IARS2: variants seen among roughly 807,000 people sequenced by gnomAD.
IARS2 encodes isoleucyl-tRNA synthetase 2, mitochondrial.
Under a neutral mutation model 126.3 loss-of-function variants are expected in IARS2, and 56 were observed. That is an observed-to-expected ratio of 0.44 (90% CI 0.36 to 0.55). IARS2 has a LOEUF of 0.55. Among genes scored for constraint, IARS2 ranks in the 20% least tolerant of loss-of-function variants. The pLI is 0.00. For missense variants in IARS2, 1,127 were observed against 1,245.9 expected, an observed-to-expected ratio of 0.90 and a Z score of 1.44; for synonymous variants, 407 against 441.1, an observed-to-expected ratio of 0.92 and a Z score of 0.97.
At chr1:220,112,442 T>A (rs1202845846) in intron 11 of IARS2, among the ~76,000 whole-genome samples, 1 of 152,100 alleles carries the variant, frequency 6.6e-6, no homozygotes, top group East Asian at 1.9e-4. Context: ...CCCGACCACC[T>A]ACTTTTTACC....
At chr1:220,147,413 A>G in intron 22 of IARS2, 80 bp from the exon 23 acceptor site, 1 of 1,361,626 alleles carries the variant, frequency 7.3e-7, no homozygotes, top group Non-Finnish European at 1.0e-6. Context: ...ACTGAAAAAG[A>G]AGCCTCTGCT....
chr1:220,094,569 G>A (rs1353101184), intron 1 of IARS2, 86 bp downstream of exon 1: 6 of 1,160,744 alleles, frequency 5.2e-6, no homozygotes, highest in Non-Finnish European at 7.1e-6. Context: ...ACACCTCTAG[G>A]CTCCACGCCG....
Position 220,137,978 on chromosome 1 carries a change from A to G in IARS2, c.2110A>G (p.Asn704Asp), listed in dbSNP as rs1208492955. The G allele has an allele frequency of 6.2e-7, 1 of 1,614,156 alleles. No homozygotes were observed. Among genetic ancestry groups the G allele is most frequent in the Admixed American group, 1.7e-5 (1 of 60,022 alleles). The change falls in exon 17 of 23, where the codon AAT (asparagine) becomes GAT (aspartate). Residue 704 changes from asparagine to aspartate, a missense_variant. Asn to Asp is a conservative substitution (Grantham distance 23). Coordinates refer to ENST00000366922, the MANE Select transcript of IARS2 (RefSeq NM_018060.4). ...DVLRWWVADSNVFTEVAIGPS... is the reference protein window; with the variant it reads ...DVLRWWVADSDVFTEVAIGPS... Reference sequence around the variant, plus strand: ...CCTTCGCTGGTGGGTAGCTGATTCCAATGTCTTCACCGAAGTTGCAATTGG... The same window carrying G: ...CCTTCGCTGGTGGGTAGCTGATTCCGATGTCTTCACCGAAGTTGCAATTGG...
At chr1:220,126,716 G>A (rs1657162780) in intron 13 of IARS2, 34 bp from the exon 14 acceptor site, 11 of 1,482,302 alleles carry the variant, frequency 7.4e-6, no homozygotes, top group Non-Finnish European at 1.0e-5. Flanking sequence ...TGTGATCTTT[G>A]TGTACCTGAC....
At chr1:220,114,588 T>C in intron 12 of IARS2, 114 bp downstream of exon 12, 1 of 739,304 alleles carries the variant, frequency 1.4e-6, no homozygotes, top group Non-Finnish European at 2.2e-6. Context: ...TAAAATATGC[T>C]AAAATAGTCT....
chr1:220,147,489 A>G lies in IARS2; in HGVS notation c.2897-4A>G. On this transcript the variant is annotated splice_region_variant and splice_polypyrimidine_tract_variant and intron_variant, in intron 22 of 22. Coordinates refer to ENST00000366922, the MANE Select transcript of IARS2 (RefSeq NM_018060.4). ...AGAAATACTCTTCATGTATTTTTTTATAGGTGGTGATATTCGTGAAGAGTC... is the reference window on the plus strand; with the variant it reads ...AGAAATACTCTTCATGTATTTTTTTGTAGGTGGTGATATTCGTGAAGAGTC... 4 of 1,613,694 alleles carry G rather than the reference A, an allele frequency of 2.5e-6. No homozygotes were observed. Among genetic ancestry groups the G allele is most frequent in the Non-Finnish European group, 1.7e-6 (2 of 1,179,716 alleles).
In IARS2 at chr1:220,142,824, C is replaced by T. The variant is rs1571865383; in HGVS notation, c.2561-120C>T. On this transcript the variant is annotated intron_variant, in intron 20 of 22. Transcript: ENST00000366922. ...TTAGGATGGATCCATAATATTTCATCACTTGATTACCATAAATAACAATTC... is the reference window on the plus strand; with the variant it reads ...TTAGGATGGATCCATAATATTTCATTACTTGATTACCATAAATAACAATTC... 5 of 566,124 alleles carry T rather than the reference C, an allele frequency of 8.8e-6. No homozygotes were observed. In the East Asian group the frequency reaches 1.5e-4, roughly 17 times the overall value. The allele number at this position is 566,124 out of a possible 1,614,324, so 35.1% of individuals were successfully genotyped here. A position where few individuals can be genotyped will look rare whatever the true frequency, so the allele number is the denominator to read the frequency against.
intron 1 of IARS2, among the ~76,000 whole-genome samples, chr1:220,094,966 C>G (rs534053953): frequency 1.3e-5 from 2 of 150,690 alleles, no homozygotes; most frequent in Admixed American, 6.6e-5. Flanking sequence ...CCCCACCCCC[C>G]CGTCCTTAAA....
At chr1:220,119,564 T>C (rs1656995851) in intron 12 of IARS2, among the ~76,000 whole-genome samples, 1 of 152,096 alleles carries the variant, frequency 6.6e-6, no homozygotes, top group Non-Finnish European at 1.5e-5. Flanking sequence ...TAAAAATTTT[T>C]TTAGGAAACA....
At chr1:220,145,054 G>A (rs1657559633) in intron 21 of IARS2, among the ~76,000 whole-genome samples, 1 of 149,360 alleles carries the variant, frequency 6.7e-6, no homozygotes, top group African/African-American at 2.5e-5. Context: ...TGTTGAGATA[G>A]TATTTTAGCC....
rs1656675673 is a variant in IARS2, at chr1:220,106,153, CTT to C, written c.1236+96_1236+97del. 3.7e-6 allele frequency: 4 copies of C among 1,075,958 alleles called. No homozygotes were observed. The Admixed American group carries it at 9.9e-5, about 27-fold the overall frequency. 66.7% of individuals were successfully genotyped at this position (1,075,958 alleles called of 1,614,324 possible). A position where few individuals can be genotyped will look rare whatever the true frequency, so the allele number is the denominator to read the frequency against. The stretch of plus-strand genomic sequence containing the variant: ...CATCTTCATTTTTTAAAAATGATGA[CTT>C]TTGTCATCATAATTGTGAAATGCTC... On this transcript the variant is annotated intron_variant, in intron 9 of 22. Coordinates refer to ENST00000366922, the MANE Select transcript of IARS2 (RefSeq NM_018060.4).
Position 220,094,393 on chromosome 1 carries a change from A to T in IARS2, c.177A>T (p.Arg59Ser). The part of the protein sequence containing the change: ...SNHQPNSNSG[R>S]YRDTVLLPQT... ...ACCAGCCGAACTCGAATAGTGGCAG[A>T]TACCGGGACACGGTGCTGCTGCCGC... Residue 59 changes from arginine (R) to serine (S), a missense_variant, in exon 1 of 23, where the codon AGA becomes AGT. Physicochemically the swap from Arg to Ser is moderately radical, Grantham distance 110. Coordinates refer to ENST00000366922, the MANE Select transcript of IARS2 (RefSeq NM_018060.4). The T allele has an allele frequency of 1.2e-6, 2 of 1,612,522 alleles. No homozygotes were observed. The highest frequency in any genetic ancestry group is 1.7e-6 in the Non-Finnish European group (2 of 1,179,642).
At chr1:220,127,809 T>C (rs527690099) in intron 14 of IARS2, among the ~76,000 whole-genome samples, 1 of 152,362 alleles carries the variant, frequency 6.6e-6, no homozygotes, top group African/African-American at 2.4e-5. Context: ...ATGTTTACTC[T>C]CTATTACAAG....
chr1:220,129,436 A>G (rs1657216947), intron 14 of IARS2, among the ~76,000 whole-genome samples: 2 of 152,148 alleles, frequency 1.3e-5, no homozygotes, highest in Non-Finnish European at 2.9e-5. Context: ...ACCCTACTGT[A>G]TTAAACACTA....
rs376310850 is a variant in IARS2 at position 220,139,024 on chromosome 1, G to A, written c.2192G>A (p.Arg731His). 41 of 1,612,800 alleles carry A rather than the reference G, an allele frequency of 2.5e-5. No homozygotes were observed. The Middle Eastern group carries it at 4.9e-4, about 19-fold the overall frequency. Residue 731 changes from arginine to histidine, a missense_variant, in exon 18 of 23, where the codon CGC (arginine) becomes CAC (histidine). By Grantham distance (29) the Arg-to-His change is conservative (BLOSUM62 0). Coordinates refer to ENST00000366922, the MANE Select transcript of IARS2 (RefSeq NM_018060.4). ...DDISKLRNTL[R>H]FLLGNVADFN... ...TATGAATAGCTTAGGAATACACTTC[G>A]CTTTCTTTTGGGAAATGTGGCTGAT...
At chr1:220,145,798 C>A in intron 22 of IARS2, 145 bp downstream of exon 22, 1 of 697,612 alleles carries the variant, frequency 1.4e-6, no homozygotes, top group Non-Finnish European at 2.2e-6. Flanking sequence ...AAAACAATTG[C>A]CAAGTTTCTA....
chr1:220,120,377 C>G (rs753865896), intron 12 of IARS2, among the ~76,000 whole-genome samples: 1 of 147,782 alleles, frequency 6.8e-6, no homozygotes, highest in Admixed American at 6.7e-5. Context: ...CCACCGCGCC[C>G]GGCCTTTTTT....
chr1:220,110,950 T>C lies in IARS2; in HGVS notation c.1479+13T>C, dbSNP rs1192699112. ...GACTGCAGCCAAGGTATAAAAAGCA[T>C]CCTGTTTTAACAGGTCGGGCATATC... On this transcript the variant is annotated intron_variant, in intron 11 of 22. Transcript: ENST00000366922. 1 of 1,611,176 alleles carries C rather than the reference T, an allele frequency of 6.2e-7. No homozygotes were observed. Among genetic ancestry groups the C allele is most frequent in the South Asian group, 1.1e-5 (1 of 90,296 alleles).
chr1:220,102,582 T>A lies in IARS2; in HGVS notation c.837T>A (p.Ser279=). The change falls in exon 6 of 23, where the codon TCT becomes TCA. Residue 279 remains serine (S), a synonymous_variant. Coordinates refer to ENST00000366922, the MANE Select transcript of IARS2 (RefSeq NM_018060.4). ...IYVKFPLLKP[S]PKLASLIDGS... ...TAAAATTTCCTCTCTTAAAGCCTTC[T>A]CCAAAATTGGCATCTCTTATAGGTA... The A allele has an allele frequency of 6.2e-7, 1 of 1,612,802 alleles. No individual in the cohort carries two copies. The highest frequency in any genetic ancestry group is 8.5e-7 in the Non-Finnish European group (1 of 1,178,924).
Sources: allele counts gnomAD v4.1 joint callset (sites outside exome capture counted in the v4.1 genomes callset), GRCh38; gene constraint gnomAD v4.1.1; transcripts MANE v1.5; gene names NCBI Gene and HGNC (gene_info 2026-07-23, HGNC 2026-07-21).